SYNE1: variants seen among roughly 807,000 people sequenced by gnomAD.
SYNE1 encodes spectrin repeat containing nuclear envelope protein 1.
In SYNE1, 616 loss-of-function variants were observed where a neutral mutation model predicts 1,111.0. The ratio of observed to expected loss-of-function variants is 0.55; its 90% CI spans 0.52 to 0.59. The LOEUF is 0.59. SYNE1 is among the 20% of genes least tolerant of loss of function. The probability of loss-of-function intolerance (pLI) is 0.00; values close to 1 mark genes in which losing one functional copy is unlikely to be tolerated. For synonymous variants in SYNE1, 3,855 were observed against 3,825.8 expected, an observed-to-expected ratio of 1.01 and a Z score of -0.28; for missense variants, 10,006 against 10,417.0, an observed-to-expected ratio of 0.96 and a Z score of 1.72.
chr6:152,197,169 G>A (rs572150180), intron 127 of SYNE1, among the ~76,000 whole-genome samples: 18 of 152,310 alleles, frequency 1.2e-4, no homozygotes, highest in African/African-American at 4.3e-4. Flanking sequence ...GCAATCCAAG[G>A]TTGTCTTTCC....
At chr6:152,163,368 G>A (rs58363721) in intron 131 of SYNE1, among the ~76,000 whole-genome samples, 196 of 152,178 alleles carry the variant, frequency 1.3e-3, no homozygotes, top group African/African-American at 4.6e-3. Context: ...GCATGGTGGT[G>A]CATGCCTGTA....
intron 20 of SYNE1, among the ~76,000 whole-genome samples, chr6:152,462,136 T>C (rs2098737628): frequency 6.6e-6 from 1 of 151,958 alleles, no homozygotes; most frequent in African/African-American, 2.4e-5. Flanking sequence ...TAAAAACTTA[T>C]AAATTAGAAA....
rs145585655 is a variant in SYNE1 at position 152,232,543 on chromosome 6, T to C, written c.20713-278A>G. On this transcript the variant is annotated intron_variant, in intron 112 of 145. Transcript: ENST00000367255. ...AGCACCAGAAAGAAGAGAATATTAT[T>C]CTTATTTTATAACTAGTTTTATGAG... Among the ~76,000 whole-genome samples, 9 of 152,340 alleles carry C rather than the reference T, an allele frequency of 5.9e-5. No individual in the cohort carries two copies. The East Asian group carries it at 1.3e-3, about 23-fold the overall frequency.
At chr6:152,536,983 C>T (rs879342589) in intron 4 of SYNE1, among the ~76,000 whole-genome samples, 1 of 152,102 alleles carries the variant, frequency 6.6e-6, no homozygotes, top group Admixed American at 6.6e-5. Context: ...TCAATAAGTG[C>T]TGATAAGCTA....
Position 152,308,267 on chromosome 6 carries a change from G to A in SYNE1, c.17346+222C>T, listed in dbSNP as rs193092039. 3.3e-5 allele frequency among the ~76,000 whole-genome samples: 5 copies of A among 152,240 alleles called. No homozygotes were observed. In the East Asian group the frequency reaches 7.7e-4, roughly 24 times the overall value. On this transcript the variant is annotated intron_variant, in intron 91 of 145. Transcript: ENST00000367255. ...CAGTGGGTCCCAAAGGATATAATACGAACAACGTGTAGAGAGGTTATGGAA... is the reference window on the plus strand; with the variant it reads ...CAGTGGGTCCCAAAGGATATAATACAAACAACGTGTAGAGAGGTTATGGAA...
At chr6:152,320,616 T>G (rs896970718) in intron 84 of SYNE1, among the ~76,000 whole-genome samples, 5 of 152,190 alleles carry the variant, frequency 3.3e-5, no homozygotes, top group Non-Finnish European at 5.9e-5. Context: ...GAAATCTCAC[T>G]CTGGTCTCAA....
intron 3 of SYNE1, among the ~76,000 whole-genome samples, chr6:152,562,215 AAAAC>A (rs2099397301): frequency 2.0e-5 from 3 of 152,196 alleles, no homozygotes; most frequent in South Asian, 2.1e-4. Context: ...AAATAGCAGA[AAAAC>A]AAACAAAGAA....
At chr6:152,462,945 G>A in intron 19 of SYNE1, 55 bp from the exon 20 acceptor site, 1 of 1,596,838 alleles carries the variant, frequency 6.3e-7, no homozygotes, top group South Asian at 1.1e-5. Flanking sequence ...TGCGACCACT[G>A]GAACCACAAC....
chr6:152,364,788 A>G, intron 63 of SYNE1, 59 bp downstream of exon 63: 1 of 1,605,590 alleles, frequency 6.2e-7, no homozygotes, highest in Non-Finnish European at 8.5e-7. Flanking sequence ...TCTGTTCAGT[A>G]GTATTATATT....
At chr6:152,552,913 G>A (rs1382654468) in intron 3 of SYNE1, among the ~76,000 whole-genome samples, 1 of 152,146 alleles carries the variant, frequency 6.6e-6, no homozygotes, top group Non-Finnish European at 1.5e-5. Context: ...TGAGACAGCA[G>A]CTGGTGGATG....
At position 152,450,633 on chromosome 6, in the gene SYNE1, G is replaced by A. The variant is rs561575834; in HGVS notation, c.3387C>T (p.Tyr1129=). The part of the protein sequence containing the change: ...LMEDPDKWKD[Y]TSRFSEFSSW... ...GGCCATTCTGAGGCTACCTGCTAGT[G>A]TAGTCCTTCCACTTGTCTGGGTCTT... is the stretch of plus-strand genomic sequence containing the variant. Residue 1129 remains tyrosine, a synonymous_variant, in exon 27 of 146, where the codon TAC becomes TAT. Coordinates refer to ENST00000367255, the MANE Select transcript of SYNE1 (RefSeq NM_182961.4). The A allele has an allele frequency of 2.0e-5, 32 of 1,614,104 alleles. No homozygotes were observed. In the East Asian group the frequency reaches 6.2e-4, roughly 31 times the overall value.
chr6:152,180,099 T>A (rs775955269), intron 129 of SYNE1, 37 bp downstream of exon 129: 1 of 1,612,364 alleles, frequency 6.2e-7, no homozygotes, highest in South Asian at 1.1e-5. Flanking sequence ...ATAAGCCTTA[T>A]GAAGAATGAA....
chr6:152,231,358 G>A, intron 114 of SYNE1, 33 bp downstream of exon 114: 7 of 1,612,962 alleles, frequency 4.3e-6, no homozygotes, highest in Non-Finnish European at 5.9e-6. Context: ...GGGTTTTCAT[G>A]TAAATCTGGA....
intron 130 of SYNE1, chr6:152,168,253 C>T: frequency 1.5e-6 from 1 of 681,460 alleles, no homozygotes; most frequent in South Asian, 1.6e-5. Context: ...AAAGCTATAT[C>T]CTGCGTGGGG....
At chr6:152,356,942 C>T (rs191023403) in intron 66 of SYNE1, among the ~76,000 whole-genome samples, 173 of 152,204 alleles carry the variant, frequency 1.1e-3, no homozygotes, top group African/African-American at 4.0e-3. Flanking sequence ...ACAGGGAGCT[C>T]AGCATTTGCT....
chr6:152,244,613 C>T lies in SYNE1; in HGVS notation c.19616G>A (p.Gly6539Glu), dbSNP rs889774033. The change falls in exon 106 of 146, where the codon GGA (glycine) becomes GAA (glutamate). Residue 6539 changes from glycine to glutamate, a missense_variant. Physicochemically the swap from Gly to Glu is moderately conservative, Grantham distance 98 (BLOSUM62 -2). This residue lies in a region of SYNE1 where 2,182 missense variants were observed against 2,287.8 expected (regional missense o/e 0.95). Transcript: ENST00000367255. ...ACCACGCCTCTTTAATTCAATGATT[C>T]CTGCATCAAATTCTTTGAGTCCATC... ...AEDGLKEFDA[G>E]IIELKRRGDK... The T allele has an allele frequency of 6.2e-7, 1 of 1,613,986 alleles. No individual in the cohort carries two copies. Among genetic ancestry groups the T allele is most frequent in the East Asian group, 2.2e-5 (1 of 44,860 alleles).
intron 58 of SYNE1, chr6:152,376,039 T>A: frequency 5.0e-6 from 1 of 201,658 alleles, no homozygotes; most frequent in South Asian, 9.9e-5. Context: ...ACAGATGGGG[T>A]GGGGCAGGGG....
chr6:152,431,988 A>T (rs1312026895), intron 34 of SYNE1, among the ~76,000 whole-genome samples: 1 of 152,192 alleles, frequency 6.6e-6, no homozygotes, highest in Non-Finnish European at 1.5e-5. Flanking sequence ...CACATCGGTG[A>T]AACAAACTTA....
intron 2 of SYNE1, among the ~76,000 whole-genome samples, chr6:152,632,904 T>C (rs2099700259): frequency 6.6e-6 from 1 of 152,136 alleles, no homozygotes; most frequent in African/African-American, 2.4e-5. Context: ...CCAGCTGCAA[T>C]ATGAGAGACG....
Sources: allele counts gnomAD v4.1 joint callset (sites outside exome capture counted in the v4.1 genomes callset), GRCh38; gene constraint gnomAD v4.1.1; regional missense constraint gnomAD v4.1.1; transcripts MANE v1.5; gene names NCBI Gene and HGNC (gene_info 2026-07-23, HGNC 2026-07-21).